SGSM1: variants seen among roughly 807,000 people sequenced by gnomAD.
SGSM1 encodes small G protein signaling modulator 1, also known as RUN and TBC1 domain containing 2.
Under a neutral mutation model 133.8 loss-of-function variants are expected in SGSM1, and 73 were observed. The ratio of observed to expected loss-of-function variants is 0.55; its 90% confidence interval spans 0.45 to 0.66. The LOEUF (loss-of-function observed/expected upper bound fraction) is 0.66. SGSM1 is among the 30% of genes least tolerant of loss of function. SGSM1 has a pLI of 0.00. For synonymous variants in SGSM1, 563 were observed against 573.0 expected (o/e 0.98, Z 0.25); for missense variants, 1,213 against 1,448.1 (o/e 0.84, Z 2.64).
intron 8 of SGSM1, among the ~76,000 whole-genome samples, chr22:24,857,087 C>A (rs111665354): frequency 0.019 from 2,932 of 151,324 alleles, 88 homozygotes; most frequent in African/African-American, 0.068. Flanking sequence ...CATTTCTTAA[C>A]GTAATCTAAA....
At chr22:24,909,075 G>C (rs1468026344) in intron 21 of SGSM1, among the ~76,000 whole-genome samples, 1 of 152,128 alleles carries the variant, frequency 6.6e-6, no homozygotes, top group Non-Finnish European at 1.5e-5. Flanking sequence ...TCTCATAGGA[G>C]CGTGAACCCT....
At chr22:24,896,041 C>A (rs1384046836) in intron 18 of SGSM1, among the ~76,000 whole-genome samples, 1 of 151,980 alleles carries the variant, frequency 6.6e-6, no homozygotes, top group African/African-American at 2.4e-5. Context: ...AGAGTGAAAC[C>A]CTGTCTCACA....
chr22:24,878,846 A>G (rs1265876715), intron 13 of SGSM1, among the ~76,000 whole-genome samples: 1 of 152,242 alleles, frequency 6.6e-6, no homozygotes, highest in Non-Finnish European at 1.5e-5. Flanking sequence ...AAGTGATAGA[A>G]ACCCACTTCA....
chr22:24,806,779 C>G (rs1456748322), intron 2 of SGSM1, among the ~76,000 whole-genome samples: 2 of 151,972 alleles, frequency 1.3e-5, no homozygotes, highest in East Asian at 3.9e-4. Flanking sequence ...AGGACCTCCT[C>G]TTGTGGAGGA....
At chr22:24,843,562 A>T (rs1354657302) in intron 2 of SGSM1, 1 of 152,210 alleles carries the variant, frequency 6.6e-6, no homozygotes, top group Non-Finnish European at 1.5e-5. Context: ...GGTGACATAG[A>T]GCTGGAACAG....
In SGSM1 at chr22:24,867,084, C is replaced by T. The variant is rs772961795; in HGVS notation, c.927-9C>T. 1.2e-5 allele frequency: 19 copies of T among 1,613,024 alleles called. No homozygotes were observed. The highest frequency in any genetic ancestry group is 1.6e-4 in the Middle Eastern group (1 of 6,080). On this transcript the variant is annotated splice_polypyrimidine_tract_variant and intron_variant, in intron 9 of 24. Coordinates refer to ENST00000400358, the MANE Select transcript of SGSM1 (RefSeq NM_001098497.3). Reference sequence around the variant, plus strand: ...AGTCCTGCAAGCCTGACCCTCCGTCCGCTTCCAGCGTCTACTGGGACTATG... The same window carrying T: ...AGTCCTGCAAGCCTGACCCTCCGTCTGCTTCCAGCGTCTACTGGGACTATG...
intron 9 of SGSM1, among the ~76,000 whole-genome samples, chr22:24,866,616 CA>C (rs1931473461): frequency 6.6e-6 from 1 of 152,248 alleles, no homozygotes; most frequent in African/African-American, 2.4e-5. Flanking sequence ...TGTCTTTTGA[CA>C]CCATTCTCAG....
At chr22:24,836,620 T>C (rs1222951484) in intron 2 of SGSM1, among the ~76,000 whole-genome samples, 2 of 152,218 alleles carry the variant, frequency 1.3e-5, no homozygotes, top group African/African-American at 4.8e-5. Context: ...TTACTTTCTG[T>C]TTTTTCATAG....
At position 24,870,490 on chromosome 22, in the gene SGSM1, G is replaced by C. The variant is rs143556340; in HGVS notation, c.1291+1635G>C. Reference sequence around the variant, plus strand: ...ACACTCCCGCTGGGAGCTAGGCAGAGTGCTGGGTGTTTAATTTATTTGGAG... The same window carrying C: ...ACACTCCCGCTGGGAGCTAGGCAGACTGCTGGGTGTTTAATTTATTTGGAG... On this transcript the variant is annotated intron_variant, in intron 12 of 24. Transcript: ENST00000400358. Among the ~76,000 whole-genome samples, 250 of 152,342 alleles carry C rather than the reference G, an allele frequency of 1.6e-3. 1 individual carries two copies. Among genetic ancestry groups the C allele is most frequent in the African/African-American group, 5.7e-3 (238 of 41,586 alleles).
chr22:24,860,918 A>ATATAT (rs1300849770), intron 9 of SGSM1, among the ~76,000 whole-genome samples: 27 of 76,086 alleles, frequency 3.5e-4, no homozygotes, highest in African/African-American at 1.4e-3. Context: ...AAAAAAAAAA[A>ATATAT]AAAAATATAT....
At chr22:24,861,728 G>T (rs530914816) in intron 9 of SGSM1, among the ~76,000 whole-genome samples, 1 of 151,292 alleles carries the variant, frequency 6.6e-6, no homozygotes, top group African/African-American at 2.4e-5. Flanking sequence ...TTGTATTTTC[G>T]TTAGATACGG....
chr22:24,881,782 T>C (rs1389332905), intron 14 of SGSM1, among the ~76,000 whole-genome samples: 1 of 151,946 alleles, frequency 6.6e-6, no homozygotes, highest in Non-Finnish European at 1.5e-5. Flanking sequence ...AGGTCCAGGG[T>C]TCTCTCTGAG....
At chr22:24,914,893 C>G (rs1175777106) in intron 22 of SGSM1, among the ~76,000 whole-genome samples, 1 of 151,994 alleles carries the variant, frequency 6.6e-6, no homozygotes, top group Non-Finnish European at 1.5e-5. Context: ...TTTGGTTTTG[C>G]TTTTGCTTTG....
In SGSM1 at chr22:24,924,476, C is replaced by A; in HGVS notation, c.*202C>A. 1.8e-6 allele frequency: 1 copy of A among 562,636 alleles called. No individual in the cohort carries two copies. The highest frequency in any genetic ancestry group is 2.3e-5 in the South Asian group (1 of 43,514). The allele number at this position is 562,636 out of a possible 1,614,324, so 34.9% of individuals were successfully genotyped here. ...GGAGTACCCCTTCAATTCAGCCTTA[C>A]ATTTTCCTGTTTGACCAAAGATTGC... On this transcript the variant is annotated 3_prime_UTR_variant, in exon 25 of 25. Coordinates refer to ENST00000400358, the MANE Select transcript of SGSM1 (RefSeq NM_001098497.3).
intron 2 of SGSM1, among the ~76,000 whole-genome samples, chr22:24,820,192 G>C (rs924354408): frequency 2.0e-5 from 3 of 152,172 alleles, no homozygotes; most frequent in Non-Finnish European, 4.4e-5. Context: ...GCAGCCTGAA[G>C]GACCTTTATA....
chr22:24,844,686 C>A, intron 2 of SGSM1: 2 of 554,060 alleles, frequency 3.6e-6, no homozygotes, highest in South Asian at 2.3e-5. Context: ...AGAACCTGAA[C>A]GAATAATTGA....
intron 14 of SGSM1, among the ~76,000 whole-genome samples, chr22:24,883,110 TAGTC>T (rs1387795597): frequency 6.6e-6 from 1 of 151,816 alleles, no homozygotes; most frequent in Non-Finnish European, 1.5e-5. Context: ...CTCACCGTGT[TAGTC>T]AGGATGTTCT....
intron 8 of SGSM1, 100 bp downstream of exon 8, chr22:24,855,780 A>G: frequency 1.0e-5 from 16 of 1,570,772 alleles, no homozygotes; most frequent in Non-Finnish European, 1.3e-5. Flanking sequence ...CCATTCATCC[A>G]TTTATGCACT....
intron 21 of SGSM1, among the ~76,000 whole-genome samples, chr22:24,912,300 A>G (rs1226429557): frequency 6.6e-6 from 1 of 152,212 alleles, no homozygotes; most frequent in African/African-American, 2.4e-5. Flanking sequence ...ATGTCCAGAT[A>G]TTAATAGAGG....
Sources: allele counts gnomAD v4.1 joint callset (sites outside exome capture counted in the v4.1 genomes callset), GRCh38; gene constraint gnomAD v4.1.1; transcripts MANE v1.5; gene names NCBI Gene and HGNC (gene_info 2026-07-23, HGNC 2026-07-21).